Variants in ZNF536 observed in about 807,000 individuals in gnomAD.
The protein encoded by ZNF536 is zinc finger protein 536.
In ZNF536, 13 loss-of-function variants were observed where a neutral mutation model predicts 84.5. The ratio of observed to expected loss-of-function variants is 0.15; its 90% CI spans 0.10 to 0.24. The LOEUF is 0.24. ZNF536 is among the 10% of genes least tolerant of loss of function. The probability of loss-of-function intolerance (pLI) is 1.00; values close to 1 mark genes in which losing one functional copy is unlikely to be tolerated. For missense variants in ZNF536, 1,536 were observed against 1,747.5 expected, an observed-to-expected ratio of 0.88 and a Z score of 2.16; for synonymous variants, 811 against 742.5, an observed-to-expected ratio of 1.09 and a Z score of -1.50.
At chr19:30,597,818 T>A (rs1232255302) in intron 1 of ZNF536, among the ~76,000 whole-genome samples, 5 of 152,258 alleles carry the variant, frequency 3.3e-5, no homozygotes, top group Non-Finnish European at 5.9e-5. Flanking sequence ...CATATAGTTG[T>A]TACTATTGTT....
chr19:30,671,804 A>C (rs997908124), intron 1 of ZNF536, among the ~76,000 whole-genome samples: 1 of 152,210 alleles, frequency 6.6e-6, no homozygotes, highest in Non-Finnish European at 1.5e-5. Context: ...TTCAAAATGC[A>C]TTCTTCCGAC....
intron 1 of ZNF536, among the ~76,000 whole-genome samples, chr19:30,665,951 C>T (rs1359486492): frequency 6.6e-6 from 1 of 152,134 alleles, no homozygotes; most frequent in African/African-American, 2.4e-5. Context: ...GTCTGGGATT[C>T]CTGTGGTGGC....
At position 30,653,255 on chromosome 19, in the gene ZNF536, A is replaced by G. The variant is rs1174948761; in HGVS notation, c.170-57502A>G. 2.0e-5 allele frequency among the ~76,000 whole-genome samples: 3 copies of G among 152,294 alleles called. No individual in the cohort carries two copies. In the East Asian group the frequency reaches 5.8e-4, roughly 29 times the overall value. On this transcript the variant is annotated intron_variant, in intron 1 of 1. Transcript: ENST00000592773. ...GGGAGGACCCTCTATCCTGCCCTTC[A>G]GCTCCAGGGTCATGGCTGTGCTGCT...
At position 30,413,959 on chromosome 19, in the gene ZNF536, G is replaced by A. The variant is rs144901304; in HGVS notation, c.-2-29602G>A. Among the ~76,000 whole-genome samples the A allele has an allele frequency of 2.4e-3, 366 of 151,862 alleles. 3 individuals are homozygous for A. Among genetic ancestry groups the A allele is most frequent in the East Asian group, 2.5e-3 (13 of 5,164 alleles). ...ATACAAAAAATTAGCTAGGCGTGGCGGCGGGTGCCTATAATCCCAGCTACT... is the reference window on the plus strand; with the variant it reads ...ATACAAAAAATTAGCTAGGCGTGGCAGCGGGTGCCTATAATCCCAGCTACT... On this transcript the variant is annotated intron_variant, in intron 1 of 4. Transcript: ENST00000355537.
Position 30,497,595 on chromosome 19 carries a change from G to T in ZNF536, c.2171-37252G>T, listed in dbSNP as rs374382879. Among the ~76,000 whole-genome samples, 6 of 152,336 alleles carry T rather than the reference G, an allele frequency of 3.9e-5. 1 individual carries two copies. The highest frequency in any genetic ancestry group is 1.4e-4 in the African/African-American group (6 of 41,574). ...TGGACTCATTGCTGCTCCCACACAT[G>T]TATGGAACTAAACCCACCTGAGTGG... On this transcript the variant is annotated intron_variant, in intron 2 of 4. Coordinates refer to ENST00000355537, the MANE Select transcript of ZNF536 (RefSeq NM_014717.3).
intron 1 of ZNF536, 99 bp from the exon 2 acceptor site, chr19:30,443,462 G>A (rs1005533103): frequency 1.4e-6 from 2 of 1,455,950 alleles, no homozygotes; most frequent in African/African-American, 1.4e-5. Flanking sequence ...ATTATGTGTA[G>A]GTAAGGCATG....
At chr19:30,446,754 G>A (rs911604547) in intron 2 of ZNF536, among the ~76,000 whole-genome samples, 1 of 151,670 alleles carries the variant, frequency 6.6e-6, no homozygotes, top group African/African-American at 2.4e-5. Context: ...CAGAAAATCT[G>A]TCATCAAAAT....
chr19:30,242,446 T>C (rs1474810511), intron 1 of ZNF536, among the ~76,000 whole-genome samples: 1 of 152,138 alleles, frequency 6.6e-6, no homozygotes, highest in African/African-American at 2.4e-5. Flanking sequence ...TCACGCAGTC[T>C]AAAGGGTGGG....
At chr19:30,446,405 A>T (rs2052349925) in intron 2 of ZNF536, among the ~76,000 whole-genome samples, 1 of 152,030 alleles carries the variant, frequency 6.6e-6, no homozygotes, top group South Asian at 2.1e-4. Context: ...GTCGGCCATC[A>T]TCTGGTCTCT....
chr19:30,440,881 G>GGATA lies in ZNF536; in HGVS notation c.-2-2624_-2-2621dup, dbSNP rs56021291. 5.5e-3 allele frequency among the ~76,000 whole-genome samples: 796 copies of GGATA among 145,660 alleles called. 2 individuals carry two copies. The highest frequency in any genetic ancestry group is 7.9e-3 in the South Asian group (34 of 4,300). ...TACAAATCTTTGTTAACTCTGGCCA[G>GGATA]GATAGATAGATAGATAGATAGATAG... On this transcript the variant is annotated intron_variant, in intron 1 of 4. Transcript: ENST00000355537.
chr19:30,433,221 C>T (rs1220517140), intron 1 of ZNF536, among the ~76,000 whole-genome samples: 1 of 152,170 alleles, frequency 6.6e-6, no homozygotes, highest in African/African-American at 2.4e-5. Flanking sequence ...TCCACCACTG[C>T]CTTCCTTCCC....
At position 30,611,006 on chromosome 19, in the gene ZNF536, G is replaced by C. The variant is rs562015518; in HGVS notation, c.169+61492G>C. On this transcript the variant is annotated intron_variant, in intron 1 of 1. Coordinates refer to the ZNF536 transcript ENST00000592773. ...GCTCAGTTGTGGCATTTTTGTTGAG[G>C]GCTTACCATGTGCTTCCAAGTCTGG... 3.3e-5 allele frequency among the ~76,000 whole-genome samples: 5 copies of C among 152,256 alleles called. No individual in the cohort carries two copies. In the East Asian group the frequency reaches 9.7e-4, roughly 29 times the overall value.
intron 1 of ZNF536, among the ~76,000 whole-genome samples, chr19:30,655,283 C>T (rs1055823690): frequency 6.6e-6 from 1 of 152,204 alleles, no homozygotes; most frequent in Admixed American, 6.5e-5. Flanking sequence ...CAAGAGCTTC[C>T]TGCTCTCTTC....
intron 1 of ZNF536, among the ~76,000 whole-genome samples, chr19:30,432,579 G>A (rs2051522735): frequency 6.6e-6 from 1 of 152,122 alleles, no homozygotes; most frequent in African/African-American, 2.4e-5. Context: ...TAAAAAGAAG[G>A]CAAGGGGAGA....
intron 1 of ZNF536, among the ~76,000 whole-genome samples, chr19:30,594,036 A>G (rs1275813012): frequency 6.6e-6 from 1 of 152,182 alleles, no homozygotes. Context: ...GCCACGTGGA[A>G]TGTCTTCCAT....
At chr19:30,461,465 G>A (rs369574458) in intron 2 of ZNF536, among the ~76,000 whole-genome samples, 32 of 152,274 alleles carry the variant, frequency 2.1e-4, no homozygotes, top group East Asian at 7.7e-4. Flanking sequence ...AGCAGGGAAG[G>A]AGGATAGCCC....
At chr19:30,509,246 T>C (rs2055306915) in intron 2 of ZNF536, among the ~76,000 whole-genome samples, 1 of 144,010 alleles carries the variant, frequency 6.9e-6, no homozygotes, top group African/African-American at 2.5e-5. Flanking sequence ...ACAATATGTA[T>C]AATATATATA....
intron 1 of ZNF536, among the ~76,000 whole-genome samples, chr19:30,388,065 G>A (rs2049418629): frequency 6.6e-6 from 1 of 152,184 alleles, no homozygotes; most frequent in Admixed American, 6.5e-5. Context: ...GTCAGGTTTT[G>A]AGGCTGTAAG....
chr19:30,483,317 C>T (rs562549937), intron 2 of ZNF536, among the ~76,000 whole-genome samples: 1 of 152,294 alleles, frequency 6.6e-6, no homozygotes, highest in South Asian at 2.1e-4. Flanking sequence ...GGTCCTCTCC[C>T]CTTCTGGGAA....
Sources: gnomAD v4.1 joint callset for allele counts (sites outside exome capture counted in the v4.1 genomes callset) on GRCh38, gnomAD v4.1.1 for gene constraint, MANE v1.5 for transcripts, NCBI Gene and HGNC (gene_info 2026-07-23, HGNC 2026-07-21) for gene names.